SRD5A2: variants seen among roughly 807,000 people sequenced by gnomAD.
The protein encoded by SRD5A2 is steroid 5 alpha-reductase 2, also known as 3-oxo-5-alpha-steroid 4-dehydrogenase 2.
Under a neutral mutation model 27.4 loss-of-function variants are expected in SRD5A2, and 30 were observed. The ratio of observed to expected loss-of-function variants is 1.10; its 90% confidence interval spans 0.82 to 1.49. The LOEUF (loss-of-function observed/expected upper bound fraction) is 1.49. Ranked by LOEUF, SRD5A2 falls within the 40% of genes most tolerant of loss-of-function variation. SRD5A2 has a pLI of 0.00. For missense variants in SRD5A2, 348 were observed against 323.4 expected (o/e 1.08, Z -0.58); for synonymous variants, 141 against 133.6 (o/e 1.06, Z -0.38).
At chr2:31,653,114 C>G in the SRD5A2 span, among the ~76,000 whole-genome samples, 1 of 152,086 alleles carries the variant, frequency 6.6e-6, no homozygotes, top group Non-Finnish European at 1.5e-5. Context: ...ATTTCCTCAC[C>G]CCCACCCCCA....
chr2:31,580,317 G>A (rs1178466069), intron 1 of SRD5A2, among the ~76,000 whole-genome samples: 1 of 152,232 alleles, frequency 6.6e-6, no homozygotes, highest in Non-Finnish European at 1.5e-5. Flanking sequence ...GAGCTTTCCA[G>A]GTCGCCTCCC....
chr2:31,616,548 C>T, the SRD5A2 span, among the ~76,000 whole-genome samples: 2 of 152,218 alleles, frequency 1.3e-5, no homozygotes, highest in Admixed American at 1.3e-4. Flanking sequence ...GATATGACTG[C>T]CCCACTGAAT....
At chr2:31,658,377 A>T in the SRD5A2 span, among the ~76,000 whole-genome samples, 2 of 152,112 alleles carry the variant, frequency 1.3e-5, no homozygotes, top group Non-Finnish European at 2.9e-5. Context: ...AACTAAAATC[A>T]GAGCTGACCT....
the SRD5A2 span, among the ~76,000 whole-genome samples, chr2:31,596,270 C>G: frequency 3.3e-5 from 5 of 151,822 alleles, no homozygotes; most frequent in Non-Finnish European, 7.4e-5. Context: ...CAGCTGTAGT[C>G]CCAGCCACTT....
At chr2:31,586,917 C>T in the SRD5A2 span, among the ~76,000 whole-genome samples, 4 of 152,168 alleles carry the variant, frequency 2.6e-5, no homozygotes, top group South Asian at 6.2e-4. Flanking sequence ...AGAAACAAGA[C>T]ATAGGACCAT....
chr2:31,546,934 T>C (rs1310878797), intron 1 of SRD5A2, among the ~76,000 whole-genome samples: 2 of 151,948 alleles, frequency 1.3e-5, no homozygotes, highest in African/African-American at 2.4e-5. Context: ...CTGTCTCTAC[T>C]AAAAATACAA....
upstream of SRD5A2, among the ~76,000 whole-genome samples, chr2:31,582,894 G>A (rs1667104882): frequency 6.6e-6 from 1 of 151,404 alleles, no homozygotes; most frequent in Non-Finnish European, 1.5e-5. Context: ...TAGGAGAACA[G>A]GCAGTGCACT....
At chr2:31,592,294 G>A in the SRD5A2 span, among the ~76,000 whole-genome samples, 1 of 152,116 alleles carries the variant, frequency 6.6e-6, no homozygotes, top group African/African-American at 2.4e-5. Flanking sequence ...TCCTAGGAAG[G>A]AGAAAACAAC....
At chr2:31,586,074 T>TG in the SRD5A2 span, among the ~76,000 whole-genome samples, 2 of 152,118 alleles carry the variant, frequency 1.3e-5, no homozygotes, top group African/African-American at 2.4e-5. Context: ...AATAGGTTTT[T>TG]GGGGAACAGG....
chr2:31,526,266 A>G lies in SRD5A2; in HGVS notation c.699-4T>C. 1.9e-6 allele frequency: 3 copies of G among 1,557,990 alleles called. No individual in the cohort carries two copies. Among genetic ancestry groups the G allele is most frequent in the East Asian group, 2.3e-5 (1 of 43,244 alleles). ...CTCAAACATCTTGAGGTAGAACCTA[A>G]AAGACAAGAAAGGAATAATTGTAAA... On this transcript the variant is annotated splice_polypyrimidine_tract_variant and splice_region_variant and intron_variant, in intron 4 of 4. Transcript: ENST00000622030.
intron 1 of SRD5A2, among the ~76,000 whole-genome samples, chr2:31,575,112 T>C (rs961828497): frequency 6.6e-6 from 1 of 152,220 alleles, no homozygotes; most frequent in Non-Finnish European, 1.5e-5. Flanking sequence ...GTTGCTTTTC[T>C]TGCTTGGGCT....
chr2:31,542,072 T>C (rs906290834), intron 1 of SRD5A2, among the ~76,000 whole-genome samples: 7 of 152,150 alleles, frequency 4.6e-5, no homozygotes, highest in African/African-American at 2.4e-5. Flanking sequence ...TCAGTGAACA[T>C]TGGACACCAG....
the SRD5A2 span, among the ~76,000 whole-genome samples, chr2:31,628,772 A>T: frequency 2.6e-5 from 4 of 151,944 alleles, no homozygotes; most frequent in Non-Finnish European, 4.4e-5. Context: ...TAGGCTCCCA[A>T]TCTCTTCTGG....
At chr2:31,605,753 A>C in the SRD5A2 span, among the ~76,000 whole-genome samples, 1 of 151,768 alleles carries the variant, frequency 6.6e-6, no homozygotes, top group African/African-American at 2.4e-5. Context: ...AAAAAAAAAA[A>C]CTAAAAATTG....
chr2:31,553,964 T>C (rs887933537), intron 1 of SRD5A2, among the ~76,000 whole-genome samples: 2 of 152,134 alleles, frequency 1.3e-5, no homozygotes, highest in Non-Finnish European at 2.9e-5. Context: ...CTGAAAAGAC[T>C]TGAAGGCTAG....
At chr2:31,588,457 G>A in the SRD5A2 span, among the ~76,000 whole-genome samples, 2 of 152,198 alleles carry the variant, frequency 1.3e-5, no homozygotes, top group African/African-American at 4.8e-5. Context: ...TACAGGCAAG[G>A]AGAGAATGGC....
chr2:31,611,582 G>A, the SRD5A2 span, among the ~76,000 whole-genome samples: 1 of 152,056 alleles, frequency 6.6e-6, no homozygotes. Flanking sequence ...CACCAATTAA[G>A]TATGAAAAGT....
the SRD5A2 span, among the ~76,000 whole-genome samples, chr2:31,594,109 T>A: frequency 6.6e-6 from 1 of 152,082 alleles, no homozygotes; most frequent in Non-Finnish European, 1.5e-5. Context: ...AGCATAAATC[T>A]CACAGGGCCT....
intron 1 of SRD5A2, among the ~76,000 whole-genome samples, chr2:31,569,409 G>A (rs1666804047): frequency 6.6e-6 from 1 of 152,126 alleles, no homozygotes; most frequent in African/African-American, 2.4e-5. Flanking sequence ...ACAAACACTT[G>A]GTATGGTCAG....
Sources: gnomAD v4.1 joint callset for allele counts (sites outside exome capture counted in the v4.1 genomes callset) on GRCh38, gnomAD v4.1.1 for gene constraint, MANE v1.5 for transcripts, NCBI Gene and HGNC (gene_info 2026-07-23, HGNC 2026-07-21) for gene names.